Variants in MTCL2 observed in about 807,000 individuals in gnomAD.
MTCL2 encodes the protein microtubule cross-linking factor 2.
At chr20:36,841,874 G>GGGT in the MTCL2 span, among the ~76,000 whole-genome samples, 18 of 110,864 alleles carry the variant, frequency 1.6e-4, no homozygotes, top group African/African-American at 5.1e-4. Context: ...TGGGGGGTGG[G>GGGT]GTGTGTGTGT....
chr20:36,796,875 C>G, the MTCL2 span: 3 of 1,613,880 alleles, frequency 1.9e-6, no homozygotes, highest in Admixed American at 1.7e-5. Context: ...GACCAGCATG[C>G]AAGCACCTCT....
At chr20:36,852,590 T>C in the MTCL2 span, among the ~76,000 whole-genome samples, 2 of 152,216 alleles carry the variant, frequency 1.3e-5, no homozygotes, top group African/African-American at 4.8e-5. Context: ...AATCCCTTCA[T>C]ACCCAGGGAC....
chr20:36,849,699 A>G, the MTCL2 span, among the ~76,000 whole-genome samples: 7 of 152,186 alleles, frequency 4.6e-5, no homozygotes, highest in Non-Finnish European at 8.8e-5. Context: ...ATTACTTTCT[A>G]TCAGAAACCC....
At chr20:36,794,953 T>C in the MTCL2 span, among the ~76,000 whole-genome samples, 8 of 151,804 alleles carry the variant, frequency 5.3e-5, no homozygotes, top group Admixed American at 4.6e-4. This position sits in a 1 kb window ranked among gnomAD's most constrained non-coding sequence, Gnocchi z 5.4. Context: ...CTTTTTTTTT[T>C]CTTGAGACAG....
chr20:36,800,274 AT>A, the MTCL2 span, among the ~76,000 whole-genome samples: 1 of 152,334 alleles, frequency 6.6e-6, no homozygotes, highest in Admixed American at 6.5e-5. Context: ...TAATTTCAGA[AT>A]CATTTTAGAA....
chr20:36,859,555 G>T, the MTCL2 span: 5 of 1,208,030 alleles, frequency 4.1e-6, no homozygotes, highest in Non-Finnish European at 5.2e-6. Flanking sequence ...AATAATTAAA[G>T]TGACAGTGAG....
At chr20:36,804,108 G>A in the MTCL2 span, among the ~76,000 whole-genome samples, 18 of 152,220 alleles carry the variant, frequency 1.2e-4, no homozygotes, top group East Asian at 3.5e-3. Context: ...TTTGTCATCT[G>A]TCCAGCAGAG....
the MTCL2 span, among the ~76,000 whole-genome samples, chr20:36,835,830 A>G: frequency 6.6e-6 from 1 of 151,368 alleles, no homozygotes; most frequent in Non-Finnish European, 1.5e-5. Flanking sequence ...AGAGCCACAC[A>G]CCCGCTCCCC....
chr20:36,796,782 G>T, the MTCL2 span: 1 of 1,184,060 alleles, frequency 8.4e-7, no homozygotes, highest in Non-Finnish European at 1.2e-6. Context: ...GGGCTGCGGT[G>T]AAAGCAGGTA....
At chr20:36,810,052 T>C in the MTCL2 span, 47 of 1,599,924 alleles carry the variant, frequency 2.9e-5, no homozygotes, top group Non-Finnish European at 3.8e-5. Flanking sequence ...GAGCTGCTCT[T>C]GCAAGCCCCG....
At chr20:36,785,246 C>A in the MTCL2 span, 38 of 985,266 alleles carry the variant, frequency 3.9e-5, no homozygotes, top group Non-Finnish European at 4.6e-5. Context: ...GGCTGCCAAG[C>A]GGCCTCGTCC....
the MTCL2 span, chr20:36,793,920 C>T: frequency 6.4e-6 from 10 of 1,551,300 alleles, no homozygotes; most frequent in South Asian, 1.2e-5. This position sits in a 1 kb window ranked among gnomAD's most constrained non-coding sequence, Gnocchi z 6.8. Flanking sequence ...TGCAGGCCCA[C>T]GCTGACCGTG....
the MTCL2 span, among the ~76,000 whole-genome samples, chr20:36,831,066 G>C: frequency 6.6e-6 from 1 of 152,182 alleles, no homozygotes; most frequent in Non-Finnish European, 1.5e-5. Context: ...CCCCATTCCT[G>C]GTAGACACCC....
At chr20:36,794,770 T>TC in the MTCL2 span, 1 of 240,508 alleles carries the variant, frequency 4.2e-6, no homozygotes, top group Non-Finnish European at 7.3e-6. The surrounding 1 kb of genome is among the most constrained non-coding windows in gnomAD (Gnocchi z 5.4). Context: ...CTGCATTTTC[T>TC]TTTTTTTTTT....
the MTCL2 span, among the ~76,000 whole-genome samples, chr20:36,817,093 C>T: frequency 4.4e-4 from 67 of 151,778 alleles, no homozygotes; most frequent in African/African-American, 1.6e-3. Context: ...ACGGTGAAAC[C>T]CTGTCTCTAC....
At chr20:36,847,671 T>C in the MTCL2 span, among the ~76,000 whole-genome samples, 2 of 151,924 alleles carry the variant, frequency 1.3e-5, no homozygotes, top group Non-Finnish European at 2.9e-5. Context: ...CTGGACAACA[T>C]AGCGAGACCC....
chr20:36,797,432 C>T, the MTCL2 span: 2 of 1,491,928 alleles, frequency 1.3e-6, no homozygotes, highest in Non-Finnish European at 1.8e-6. Context: ...CCTCTCATGT[C>T]CCCCACAAGC....
the MTCL2 span, among the ~76,000 whole-genome samples, chr20:36,856,128 C>T: frequency 6.6e-6 from 1 of 152,188 alleles, no homozygotes; most frequent in Non-Finnish European, 1.5e-5. Context: ...CCAGCTTTTC[C>T]GTTTCAAGCC....
At chr20:36,795,283 T>A in the MTCL2 span, among the ~76,000 whole-genome samples, 1 of 152,146 alleles carries the variant, frequency 6.6e-6, no homozygotes, top group Non-Finnish European at 1.5e-5. Flanking sequence ...GAGATGGGGA[T>A]CTCCCTATGT....
Sources: allele counts gnomAD v4.1 joint callset (sites outside exome capture counted in the v4.1 genomes callset), GRCh38; gene constraint gnomAD v4.1.1; non-coding constraint Gnocchi (gnomAD v3.1); transcripts MANE v1.5; gene names NCBI Gene and HGNC (gene_info 2026-07-23, HGNC 2026-07-21).